Variants in STRADB observed in about 807,000 individuals in gnomAD.
STRADB encodes the protein STE20 related adaptor beta.
In STRADB, 34 loss-of-function variants were observed where a neutral mutation model predicts 52.1. The observed-to-expected ratio is 0.65, with a 90% CI of 0.50 to 0.87. The LOEUF (loss-of-function observed/expected upper bound fraction) is 0.87, where lower values mean the gene tolerates loss of function less well. Ranked by LOEUF, STRADB falls within the 40% of genes least tolerant of loss-of-function variation. The pLI, the probability that STRADB is intolerant of heterozygous loss-of-function variation, is 0.00. For synonymous variants in STRADB, 133 were observed against 174.5 expected (o/e 0.76, Z 1.87); for missense variants, 340 against 483.9 (o/e 0.70, Z 2.79).
intron 2 of STRADB, among the ~76,000 whole-genome samples, chr2:201,455,756 C>A (rs980862236): frequency 1.3e-5 from 2 of 151,614 alleles, no homozygotes; most frequent in African/African-American, 4.8e-5. Flanking sequence ...TTTACAAATA[C>A]TTTCATATAT....
intron 1 of STRADB, among the ~76,000 whole-genome samples, chr2:201,452,270 T>C (rs1265857684): frequency 3.3e-5 from 5 of 152,046 alleles, no homozygotes; most frequent in Non-Finnish European, 5.9e-5. Context: ...ACCCCTCACC[T>C]TTGGCCGCGC....
intron 5 of STRADB, among the ~76,000 whole-genome samples, chr2:201,473,502 A>G (rs1222527096): frequency 6.6e-6 from 1 of 152,226 alleles, no homozygotes; most frequent in African/African-American, 2.4e-5. Context: ...CCCCAAACTA[A>G]TAGTTCTTCT....
intron 3 of STRADB, 50 bp downstream of exon 3, chr2:201,458,914 C>A: frequency 6.6e-7 from 1 of 1,525,108 alleles, no homozygotes; most frequent in Non-Finnish European, 9.1e-7. Flanking sequence ...GTAATCCCAA[C>A]ACTCTGGGAG....
At chr2:201,463,331 C>CA (rs574453771) in intron 3 of STRADB, among the ~76,000 whole-genome samples, 4,835 of 113,138 alleles carry the variant, frequency 0.043, 249 homozygotes, top group African/African-American at 0.089. Flanking sequence ...GAGACTGTCT[C>CA]AAAAAAAAAA....
chr2:201,461,738 A>G (rs1415376722), intron 3 of STRADB, among the ~76,000 whole-genome samples: 3 of 152,116 alleles, frequency 2.0e-5, no homozygotes, highest in African/African-American at 4.8e-5. Context: ...TTGGGGTATA[A>G]CTCAATTAAT....
intron 4 of STRADB, 78 bp from the exon 5 acceptor site, chr2:201,472,875 CTT>C (rs1406178290): frequency 7.0e-7 from 1 of 1,435,268 alleles, no homozygotes; most frequent in South Asian, 1.5e-5. Flanking sequence ...AAGAGTAAGA[CTT>C]TTCAATTTTG....
At position 201,480,816 on chromosome 2, in the gene STRADB, G is replaced by A. The variant is rs1215177583; in HGVS notation, c.*641G>A. 2.0e-5 allele frequency: 20 copies of A among 985,456 alleles called. No individual in the cohort carries two copies. The highest frequency in any genetic ancestry group is 1.1e-4 in the East Asian group (1 of 8,830). 61.0% of individuals were successfully genotyped at this position (985,456 alleles called of 1,614,324 possible). ...TATAGATCCTAAATTCACGCACCCCGTGGGAGCTCAATAAAGATTTACTGA... is the reference window on the plus strand; with the variant it reads ...TATAGATCCTAAATTCACGCACCCCATGGGAGCTCAATAAAGATTTACTGA... On this transcript the variant is annotated 3_prime_UTR_variant, in exon 12 of 12. Coordinates refer to ENST00000194530, the MANE Select transcript of STRADB (RefSeq NM_018571.6).
intron 3 of STRADB, among the ~76,000 whole-genome samples, chr2:201,469,504 A>G (rs1240499692): frequency 1.3e-5 from 2 of 152,190 alleles, no homozygotes; most frequent in East Asian, 1.9e-4. Flanking sequence ...AATAGGCTGC[A>G]GTCTGGAAAC....
chr2:201,480,146 G>A lies in STRADB; in HGVS notation c.1228G>A (p.Asp410Asn), dbSNP rs762899135. The change falls in exon 12 of 12, where the codon GAT becomes AAT. Residue 410 changes from aspartate to asparagine, a missense_variant. Coordinates refer to ENST00000194530, the MANE Select transcript of STRADB (RefSeq NM_018571.6). ...GACTGAGCCAGAATGTGATTTTCCTGATGAAAAAGACTCATACTGGGAATT... is the reference window on the plus strand; with the variant it reads ...GACTGAGCCAGAATGTGATTTTCCTAATGAAAAAGACTCATACTGGGAATT... The part of the protein sequence containing the change: ...PWTEPECDFP[D>N]EKDSYWEF 9.9e-6 allele frequency: 16 copies of A among 1,613,718 alleles called. No homozygotes were observed. Among genetic ancestry groups the A allele is most frequent in the Non-Finnish European group, 1.3e-5 (15 of 1,179,762 alleles).
chr2:201,463,259 G>C (rs1299578917), intron 3 of STRADB, among the ~76,000 whole-genome samples: 1 of 151,718 alleles, frequency 6.6e-6, no homozygotes, highest in Non-Finnish European at 1.5e-5. Context: ...GCTTGAACTT[G>C]GGAGGTGGAG....
At chr2:201,462,804 A>G (rs1220227417) in intron 3 of STRADB, among the ~76,000 whole-genome samples, 1 of 152,214 alleles carries the variant, frequency 6.6e-6, no homozygotes, top group African/African-American at 2.4e-5. Flanking sequence ...AGATATGAGT[A>G]GTTTACACAC....
At chr2:201,475,969 G>C (rs544872251) in intron 7 of STRADB, among the ~76,000 whole-genome samples, 1 of 152,258 alleles carries the variant, frequency 6.6e-6, no homozygotes, top group South Asian at 2.1e-4. Flanking sequence ...ATTGGGATTG[G>C]GGTGGAGTGC....
At chr2:201,458,916 C>G (rs1952170247) in intron 3 of STRADB, 52 bp downstream of exon 3, 2 of 1,493,778 alleles carry the variant, frequency 1.3e-6, no homozygotes, top group African/African-American at 2.8e-5. Context: ...AATCCCAACA[C>G]TCTGGGAGGC....
At chr2:201,452,783 C>T (rs956067909) in intron 1 of STRADB, among the ~76,000 whole-genome samples, 2 of 152,160 alleles carry the variant, frequency 1.3e-5, no homozygotes, top group African/African-American at 4.8e-5. Context: ...AAGATGCGCC[C>T]TTTGGTTTCT....
rs1952042685 is a variant in STRADB, at chr2:201,451,746, A to G, written c.-288A>G. On this transcript the variant is annotated 5_prime_UTR_variant, in exon 1 of 12. Transcript: ENST00000194530. ...GCGCGGGTGGGGCGAATGCGTTCCC[A>G]GCGGGTAGCCTGGGACTGGTGCAGA... The G allele has an allele frequency of 6.6e-6, 1 of 151,732 alleles. No homozygotes were observed. The highest frequency in any genetic ancestry group is 1.5e-5 in the Non-Finnish European group (1 of 67,918). The allele number at this position is 151,732 out of a possible 1,614,324, so 9.4% of individuals were successfully genotyped here. A position where few individuals can be genotyped will look rare whatever the true frequency, so the allele number is the denominator to read the frequency against.
intron 3 of STRADB, among the ~76,000 whole-genome samples, chr2:201,468,505 C>T (rs868808333): frequency 6.6e-5 from 10 of 152,050 alleles, no homozygotes; most frequent in Non-Finnish European, 1.2e-4. Flanking sequence ...TTGCAAACTT[C>T]GTATCCTAAG....
intron 3 of STRADB, among the ~76,000 whole-genome samples, chr2:201,465,115 G>A (rs141091156): frequency 6.6e-6 from 1 of 152,096 alleles, no homozygotes; most frequent in Non-Finnish European, 1.5e-5. Context: ...TACCCAAGCT[G>A]CAAGACCAAG....
intron 5 of STRADB, among the ~76,000 whole-genome samples, chr2:201,473,888 C>CTTT (rs889640879): frequency 4.3e-5 from 5 of 115,712 alleles, no homozygotes; most frequent in Non-Finnish European, 5.7e-5. Flanking sequence ...TGTTCCAATT[C>CTTT]TTTTTTTTTT....
intron 10 of STRADB, 138 bp from the exon 11 acceptor site, chr2:201,479,351 G>T: frequency 1.4e-6 from 1 of 712,682 alleles, no homozygotes; most frequent in Non-Finnish European, 2.3e-6. Context: ...TAAGAATTGG[G>T]CTTCTGACAT....
Sources: allele counts gnomAD v4.1 joint callset (sites outside exome capture counted in the v4.1 genomes callset), GRCh38; gene constraint gnomAD v4.1.1; transcripts MANE v1.5; gene names NCBI Gene and HGNC (gene_info 2026-07-23, HGNC 2026-07-21).